ZSCAN5A: variants seen among roughly 807,000 people sequenced by gnomAD.
The protein encoded by ZSCAN5A is zinc finger and SCAN domain containing 5A.
A neutral mutation model predicts 23.7 loss-of-function variants in ZSCAN5A; 12 were observed. The ratio of observed to expected loss-of-function variants is 0.51; its 90% CI spans 0.32 to 0.82. The LOEUF is 0.82. Among genes scored for constraint, ZSCAN5A ranks in the 40% least tolerant of loss-of-function variants. ZSCAN5A has a pLI of 0.03. For missense variants in ZSCAN5A, 597 were observed against 617.9 expected, an observed-to-expected ratio of 0.97 and a Z score of 0.36; for synonymous variants, 257 against 239.9, an observed-to-expected ratio of 1.07 and a Z score of -0.66.
intron 3 of ZSCAN5A, 103 bp from the exon 4 acceptor site, chr19:56,223,937 G>C (rs1281757269): frequency 9.3e-7 from 1 of 1,072,438 alleles, no homozygotes; most frequent in Non-Finnish European, 1.3e-6. Flanking sequence ...TGTAATTAAT[G>C]TTCAAATCTG....
chr19:56,227,241 A>G (rs2034039671), intron 2 of ZSCAN5A, among the ~76,000 whole-genome samples: 1 of 152,278 alleles, frequency 6.6e-6, no homozygotes, highest in African/African-American at 2.4e-5. Context: ...TAGCCATTTA[A>G]CAATGTTTGT....
intron 2 of ZSCAN5A, among the ~76,000 whole-genome samples, chr19:56,358,597 G>A (rs1457760439): frequency 6.6e-6 from 1 of 152,110 alleles, no homozygotes; most frequent in Non-Finnish European, 1.5e-5. Flanking sequence ...ATCTACATAA[G>A]TCTCCACCCA....
chr19:56,223,612 C>T lies in ZSCAN5A; in HGVS notation c.588+19G>A, dbSNP rs200577718. 2.5e-6 allele frequency: 4 copies of T among 1,612,754 alleles called. No individual in the cohort carries two copies. The highest frequency in any genetic ancestry group is 3.4e-6 in the Non-Finnish European group (4 of 1,179,524). ...CCTTCTCCCACCTCTGCCCAGACAC[C>T]AAGGCCTCACACACTCACCTGCCTC... On this transcript the variant is annotated intron_variant, in intron 4 of 5. Coordinates refer to ENST00000683990, the MANE Select transcript of ZSCAN5A (RefSeq NM_001322064.3).
chr19:56,221,534 C>G lies in ZSCAN5A; in HGVS notation c.*41G>C. ...GATAACATTGATGAAAAATATCATTCACTTCTTCTTGGTGCAGAAGGCATA... is the reference window on the plus strand; with the variant it reads ...GATAACATTGATGAAAAATATCATTGACTTCTTCTTGGTGCAGAAGGCATA... On this transcript the variant is annotated 3_prime_UTR_variant, in exon 6 of 6. Coordinates refer to ENST00000683990, the MANE Select transcript of ZSCAN5A (RefSeq NM_001322064.3). 6.5e-7 allele frequency: 1 copy of G among 1,528,346 alleles called. No individual in the cohort carries two copies. Among genetic ancestry groups the G allele is most frequent in the Non-Finnish European group, 8.8e-7 (1 of 1,140,384 alleles). The allele number at this position is 1,528,346 out of a possible 1,614,324, so 94.7% of individuals were successfully genotyped here. A position where few individuals can be genotyped will look rare whatever the true frequency, so the allele number is the denominator to read the frequency against.
intron 2 of ZSCAN5A, among the ~76,000 whole-genome samples, chr19:56,258,323 G>A (rs1053177823): frequency 2.0e-5 from 3 of 151,992 alleles, no homozygotes; most frequent in African/African-American, 4.8e-5. Context: ...TCTCGTGTGG[G>A]CACAAGGGAC....
intron 2 of ZSCAN5A, chr19:56,246,445 C>A: frequency 1.7e-6 from 1 of 575,196 alleles, no homozygotes. Context: ...ATCCCCAGAG[C>A]CTCAGCTTCC....
At chr19:56,296,424 T>C (rs1255788228) in intron 2 of ZSCAN5A, 1 of 151,484 alleles carries the variant, frequency 6.6e-6, no homozygotes, top group African/African-American at 2.4e-5. Flanking sequence ...AGGTACTGGT[T>C]TTTTCTATGG....
At chr19:56,311,147 T>C (rs2041010747) in intron 2 of ZSCAN5A, among the ~76,000 whole-genome samples, 1 of 152,120 alleles carries the variant, frequency 6.6e-6, no homozygotes, top group Non-Finnish European at 1.5e-5. Context: ...GTTTGTCCCT[T>C]AAAAGGGCAG....
intron 2 of ZSCAN5A, among the ~76,000 whole-genome samples, chr19:56,249,567 C>T (rs1355914301): frequency 6.6e-6 from 1 of 152,230 alleles, no homozygotes; most frequent in Non-Finnish European, 1.5e-5. Context: ...AGCCGCCATA[C>T]CTGGCCTTAG....
chr19:56,344,730 C>T (rs1240513897), intron 2 of ZSCAN5A, among the ~76,000 whole-genome samples: 2 of 150,662 alleles, frequency 1.3e-5, no homozygotes, highest in Admixed American at 6.6e-5. Flanking sequence ...GGTGAAACCC[C>T]GTCTCTACTA....
chr19:56,261,203 C>A (rs1261401766), intron 2 of ZSCAN5A, among the ~76,000 whole-genome samples: 34 of 136,504 alleles, frequency 2.5e-4, no homozygotes, highest in South Asian at 4.6e-4. Context: ...GCAAGACTCT[C>A]AAAAAAAAAA....
chr19:56,272,078 A>T (rs574598646), intron 2 of ZSCAN5A, among the ~76,000 whole-genome samples: 1 of 152,346 alleles, frequency 6.6e-6, no homozygotes, highest in South Asian at 2.1e-4. Context: ...CAAGAAAATG[A>T]AGCACAGAGT....
chr19:56,344,909 CAAAAAAAAAAAAA>C (rs1019131536), intron 2 of ZSCAN5A, among the ~76,000 whole-genome samples: 13 of 19,048 alleles, frequency 6.8e-4, no homozygotes, highest in African/African-American at 1.6e-3. Flanking sequence ...GACTCCGTCT[CAAAAAAAAAAAAA>C]AAAAAAAAAA....
At chr19:56,238,746 C>T (rs1038649280) in intron 2 of ZSCAN5A, among the ~76,000 whole-genome samples, 3 of 151,870 alleles carry the variant, frequency 2.0e-5, no homozygotes, top group Non-Finnish European at 4.4e-5. Flanking sequence ...GAAAGATAGT[C>T]CATGTTCATA....
At chr19:56,254,803 G>C (rs957083442) in intron 2 of ZSCAN5A, among the ~76,000 whole-genome samples, 2 of 152,128 alleles carry the variant, frequency 1.3e-5, no homozygotes. Context: ...GTGAGGTGGA[G>C]TGCCTTTTCT....
chr19:56,321,072 C>T, intron 2 of ZSCAN5A: 1 of 702,366 alleles, frequency 1.4e-6, no homozygotes, highest in Non-Finnish European at 2.7e-6. Context: ...AGGAGATAGA[C>T]TGAGTATCTG....
At chr19:56,318,164 C>T (rs550494465), upstream of ZSCAN5A, among the ~76,000 whole-genome samples, 10 of 151,680 alleles carry the variant, frequency 6.6e-5, no homozygotes, top group South Asian at 1.7e-3. Context: ...TGTGTGTGTG[C>T]GTGCACGCAA....
intron 2 of ZSCAN5A, among the ~76,000 whole-genome samples, chr19:56,253,568 C>T (rs2036500561): frequency 6.6e-6 from 1 of 152,148 alleles, no homozygotes; most frequent in African/African-American, 2.4e-5. Flanking sequence ...GAACAAGTGG[C>T]TCCCATCGGT....
At chr19:56,337,930 G>T (rs542340343) in intron 2 of ZSCAN5A, among the ~76,000 whole-genome samples, 1 of 152,118 alleles carries the variant, frequency 6.6e-6, no homozygotes, top group African/African-American at 2.4e-5. Flanking sequence ...ATGCTATTTC[G>T]TGGCTTTTTA....
Sources: allele counts gnomAD v4.1 joint callset (sites outside exome capture counted in the v4.1 genomes callset), GRCh38; gene constraint gnomAD v4.1.1; transcripts MANE v1.5; gene names NCBI Gene and HGNC (gene_info 2026-07-23, HGNC 2026-07-21).